Variants in CRYBG1 observed in about 807,000 individuals in gnomAD.
CRYBG1 encodes the protein beta/gamma crystallin domain-containing protein 1.
Under a neutral mutation model 189.2 loss-of-function variants are expected in CRYBG1, and 139 were observed. That is an observed-to-expected ratio of 0.73 (90% CI 0.64 to 0.85). The LOEUF (loss-of-function observed/expected upper bound fraction) is 0.85, where lower values mean the gene tolerates loss of function less well. Ranked by LOEUF, CRYBG1 falls within the 40% of genes least tolerant of loss-of-function variation. The probability of loss-of-function intolerance (pLI) is 0.00; values close to 1 mark genes in which losing one functional copy is unlikely to be tolerated. For synonymous variants in CRYBG1, 1,023 were observed against 1,017.1 expected (o/e 1.01, Z -0.11); for missense variants, 2,611 against 2,675.8 (o/e 0.98, Z 0.53).
chr6:106,361,978 T>TC (rs1345622462), intron 1 of CRYBG1, among the ~76,000 whole-genome samples: 99 of 134,328 alleles, frequency 7.4e-4, no homozygotes, highest in African/African-American at 1.1e-3. Context: ...TCTTTTTTTT[T>TC]TTTTTTTTCT....
chr6:106,390,231 C>T (rs967387449), intron 1 of CRYBG1, among the ~76,000 whole-genome samples: 3 of 152,064 alleles, frequency 2.0e-5, no homozygotes, highest in Admixed American at 6.6e-5. Flanking sequence ...GAACAAATAT[C>T]GTATTGTTTG....
At chr6:106,365,772 G>A (rs1235215872) in intron 1 of CRYBG1, among the ~76,000 whole-genome samples, 1 of 151,688 alleles carries the variant, frequency 6.6e-6, no homozygotes, top group East Asian at 1.9e-4. Flanking sequence ...GCTCCCTGCA[G>A]GAGAGCCAAA....
chr6:106,390,452 A>G (rs894530588), intron 1 of CRYBG1, among the ~76,000 whole-genome samples: 4 of 151,178 alleles, frequency 2.6e-5, no homozygotes, highest in African/African-American at 9.7e-5. Context: ...ATTGTGGTAT[A>G]TCTTACATAG....
intron 2 of CRYBG1, among the ~76,000 whole-genome samples, chr6:106,470,499 G>A (rs1172399453): frequency 1.3e-5 from 2 of 152,178 alleles, no homozygotes; most frequent in African/African-American, 4.8e-5. Flanking sequence ...TTGAACACAG[G>A]AGGTGGAGAT....
At chr6:106,393,955 G>A (rs1770557426) in intron 1 of CRYBG1, among the ~76,000 whole-genome samples, 2 of 152,158 alleles carry the variant, frequency 1.3e-5, no homozygotes, top group African/African-American at 4.8e-5. Flanking sequence ...TTACAGGTGT[G>A]AGCCACCACC....
chr6:106,521,864 G>A (rs1470118220), intron 4 of CRYBG1, among the ~76,000 whole-genome samples: 6 of 151,922 alleles, frequency 3.9e-5, no homozygotes, highest in Admixed American at 2.0e-4. Context: ...GAATGCAGGC[G>A]CGTGCCACCA....
intron 1 of CRYBG1, among the ~76,000 whole-genome samples, chr6:106,434,013 C>T (rs1771403573): frequency 6.6e-6 from 1 of 151,840 alleles, no homozygotes; most frequent in South Asian, 2.1e-4. Context: ...AAGCTGTCAA[C>T]CAGGACTCTA....
intron 3 of CRYBG1, among the ~76,000 whole-genome samples, chr6:106,515,756 AATTTATTTATTTATTTATTTATTT>A (rs71726144): frequency 0.026 from 3,703 of 141,310 alleles, 162 homozygotes; most frequent in African/African-American, 0.091. Flanking sequence ...GCAGAGATCA[AATTTATTTATTTATTTATTTATTT>A]ATTTATTTAT....
chr6:106,530,209 G>A lies in CRYBG1; in HGVS notation c.4612G>A (p.Glu1538Lys). ...YRVSHIDLFT[E>K]PEGLGILSSY... is the part of the protein sequence containing the mutation. ...AGTTAGTCACATTGACTTATTTACT[G>A]AACCAGAAGGGTTAGGAATCCTAAG... The change falls in exon 8 of 22, where the codon GAA (glutamate) becomes AAA (lysine). Residue 1538 changes from glutamate (E) to lysine (K), a missense_variant. Physicochemically the swap from Glu to Lys is moderately conservative, Grantham distance 56. This residue lies in a region of CRYBG1 where 1,622 missense variants were observed against 1,735.0 expected (regional missense o/e 0.93). Transcript: ENST00000633556. 1 of 1,613,112 alleles carries A rather than the reference G, an allele frequency of 6.2e-7. No homozygotes were observed. Among genetic ancestry groups the A allele is most frequent in the Non-Finnish European group, 8.5e-7 (1 of 1,179,488 alleles).
At position 106,520,053 on chromosome 6, in the gene CRYBG1, T is replaced by C. The variant is rs149735097; in HGVS notation, c.2845T>C (p.Cys949Arg). The change falls in exon 4 of 22, where the codon TGT (cysteine) becomes CGT (arginine). Residue 949 changes from cysteine to arginine, a missense_variant. By Grantham distance (180) the Cys-to-Arg change is radical. Transcript: ENST00000633556. ...TAGTCCAGAAGCTGTGGGAAGTGAGTGTCCATCCAGAGTCCTCGTCCAGGT... is the reference window on the plus strand; with the variant it reads ...TAGTCCAGAAGCTGTGGGAAGTGAGCGTCCATCCAGAGTCCTCGTCCAGGT... ...ERSPEAVGSE[C>R]PSRVLVQVRS... is the part of the protein sequence containing the mutation. The C allele has an allele frequency of 5.0e-5, 80 of 1,613,984 alleles. No homozygotes were observed. Among genetic ancestry groups the C allele is most frequent in the Admixed American group, 6.7e-5 (4 of 59,990 alleles).
chr6:106,474,758 A>G (rs35893085), intron 2 of CRYBG1, among the ~76,000 whole-genome samples: 2,112 of 152,238 alleles, frequency 0.014, 26 homozygotes, highest in Middle Eastern at 0.051. Context: ...GGTCACTTGT[A>G]GTGTGGAATG....
intron 3 of CRYBG1, among the ~76,000 whole-genome samples, chr6:106,514,983 A>T (rs1401720268): frequency 6.6e-6 from 1 of 152,184 alleles, no homozygotes; most frequent in African/African-American, 2.4e-5. Context: ...AGACCCTTTA[A>T]TTCTTCCTAT....
At chr6:106,394,279 A>G (rs1314825465) in intron 1 of CRYBG1, among the ~76,000 whole-genome samples, 6 of 152,190 alleles carry the variant, frequency 3.9e-5, no homozygotes, top group Non-Finnish European at 7.3e-5. Context: ...CTGAAGGAAC[A>G]TATTTCATTT....
At chr6:106,405,890 C>G (rs1290703399) in intron 1 of CRYBG1, among the ~76,000 whole-genome samples, 2 of 152,148 alleles carry the variant, frequency 1.3e-5, no homozygotes, top group African/African-American at 4.8e-5. Flanking sequence ...CATCAAAGAG[C>G]AAAGGTAGGT....
chr6:106,489,854 T>A (rs1448943962), intron 2 of CRYBG1, among the ~76,000 whole-genome samples: 2 of 151,964 alleles, frequency 1.3e-5, no homozygotes, highest in Admixed American at 6.6e-5. Context: ...TTAGTTTGGT[T>A]GTAGTTTCTG....
intron 21 of CRYBG1, among the ~76,000 whole-genome samples, chr6:106,568,102 A>C (rs1774945225): frequency 7.1e-6 from 1 of 141,812 alleles, no homozygotes; most frequent in South Asian, 2.2e-4. Context: ...ACCACCAAAT[A>C]TATGTTAGTC....
chr6:106,568,552 G>T lies in CRYBG1; in HGVS notation c.6382G>T (p.Val2128Phe). ...GTTTACACAAGTGTGGGAAGCCATG[G>T]TCCTATATACCTGAACAAAGAAGGA... is the stretch of plus-strand genomic sequence containing the variant. Reference protein sequence around the residue: ...EKFTQVWEAMVLYT With the variant: ...EKFTQVWEAMFLYT Residue 2128 changes from valine to phenylalanine, a missense_variant, in exon 22 of 22, where the codon GTC (valine) becomes TTC (phenylalanine). By Grantham distance (50) the Val-to-Phe change is conservative. This residue lies in a region of CRYBG1 where 1,622 missense variants were observed against 1,735.0 expected (regional missense o/e 0.93). Coordinates refer to ENST00000633556, the MANE Select transcript of CRYBG1 (RefSeq NM_001371242.2). The T allele has an allele frequency of 6.2e-7, 1 of 1,610,934 alleles. No individual in the cohort carries two copies.
At chr6:106,408,710 G>T (rs1320693533) in intron 1 of CRYBG1, among the ~76,000 whole-genome samples, 1 of 152,200 alleles carries the variant, frequency 6.6e-6, no homozygotes, top group Non-Finnish European at 1.5e-5. Context: ...ATGCAAGGCT[G>T]CTTCAGCATA....
intron 1 of CRYBG1, among the ~76,000 whole-genome samples, chr6:106,361,607 G>A (rs34754175): frequency 6.6e-6 from 1 of 152,194 alleles, no homozygotes; most frequent in Admixed American, 6.5e-5. Context: ...GAGGAACTGA[G>A]ACCAAAGGAT....
Sources: allele counts gnomAD v4.1 joint callset (sites outside exome capture counted in the v4.1 genomes callset), GRCh38; gene constraint gnomAD v4.1.1; regional missense constraint gnomAD v4.1.1; transcripts MANE v1.5; gene names NCBI Gene and HGNC (gene_info 2026-07-23, HGNC 2026-07-21).